The following LARGE1 variants were observed in gnomAD, a reference collection of about 807,000 sequenced individuals.
The protein encoded by LARGE1 is LARGE xylosyl- and glucuronyltransferase 1, also known as xylosyl- and glucuronyltransferase LARGE1.
Under a neutral mutation model 87.6 loss-of-function variants are expected in LARGE1, and 43 were observed. That is an observed-to-expected ratio of 0.49 (90% CI 0.38 to 0.63). The LOEUF (loss-of-function observed/expected upper bound fraction) is 0.63, where lower values mean the gene tolerates loss of function less well. LARGE1 is among the 30% of genes least tolerant of loss of function. The pLI, the probability that LARGE1 is intolerant of heterozygous loss-of-function variation, is 0.00. For synonymous variants in LARGE1, 434 were observed against 394.6 expected (o/e 1.10, Z -1.18); for missense variants, 802 against 1,000.2 (o/e 0.80, Z 2.67).
chr22:33,767,104 A>C (rs2084932009), intron 1 of LARGE1, among the ~76,000 whole-genome samples: 1 of 151,346 alleles, frequency 6.6e-6, no homozygotes, highest in African/African-American at 2.4e-5. Flanking sequence ...ACCTGACATC[A>C]GGCGTTCAAG....
chr22:33,304,875 T>C (rs1021053841), intron 11 of LARGE1, among the ~76,000 whole-genome samples: 11 of 152,178 alleles, frequency 7.2e-5, no homozygotes, highest in Non-Finnish European at 1.5e-5. Context: ...GCTGATCTCC[T>C]AAGGCAGTGA....
chr22:33,624,040 A>T (rs1207749432), intron 4 of LARGE1, among the ~76,000 whole-genome samples: 1 of 152,116 alleles, frequency 6.6e-6, no homozygotes, highest in African/African-American at 2.4e-5. Flanking sequence ...CAAAAAAAAT[A>T]AAATAAAAAA....
Position 33,324,948 on chromosome 22 carries a change from T to G in LARGE1, c.1288-8700A>C, listed in dbSNP as rs1031467979. On this transcript the variant is annotated intron_variant, in intron 10 of 14. Transcript: ENST00000397394. ...GAGAGCTTTTGCAGGTTCTTTCTCATGTAAGACTCACATCAACTCTACAGA... is the reference window on the plus strand; with the variant it reads ...GAGAGCTTTTGCAGGTTCTTTCTCAGGTAAGACTCACATCAACTCTACAGA... Among the ~76,000 whole-genome samples, 4 of 152,176 alleles carry G rather than the reference T, an allele frequency of 2.6e-5. No individual in the cohort carries two copies. The East Asian group carries it at 7.7e-4, about 29-fold the overall frequency.
chr22:33,700,118 C>G (rs1026617779), intron 2 of LARGE1, among the ~76,000 whole-genome samples: 1 of 152,032 alleles, frequency 6.6e-6, no homozygotes, highest in African/African-American at 2.4e-5. Flanking sequence ...AACAAATCTA[C>G]GTATTCCTTA....
At chr22:33,915,598 T>C (rs960446960) in intron 1 of LARGE1, among the ~76,000 whole-genome samples, 3 of 152,218 alleles carry the variant, frequency 2.0e-5, no homozygotes, top group South Asian at 2.1e-4. Flanking sequence ...TTTTAAAGAA[T>C]AGGCAAAATG....
chr22:33,106,937 C>G, the LARGE1 span, among the ~76,000 whole-genome samples: 3 of 152,212 alleles, frequency 2.0e-5, no homozygotes, highest in African/African-American at 7.2e-5. Context: ...TTCAGATGAT[C>G]TAACATTTTA....
intron 1 of LARGE1, among the ~76,000 whole-genome samples, chr22:33,900,972 G>A (rs2065267118): frequency 6.6e-6 from 1 of 152,116 alleles, no homozygotes; most frequent in Non-Finnish European, 1.5e-5. Flanking sequence ...GCTTGAACCC[G>A]GGAGACAGAG....
intron 1 of LARGE1, among the ~76,000 whole-genome samples, chr22:33,849,820 CAAACTCCTG>C (rs2146494049): frequency 6.6e-6 from 1 of 152,206 alleles, no homozygotes; most frequent in Non-Finnish European, 1.5e-5. Context: ...AGGCTGGTCT[CAAACTCCTG>C]ACCTCAGGCG....
intron 2 of LARGE1, chr22:33,733,375 C>T (rs2083537822): frequency 6.6e-6 from 1 of 152,210 alleles, no homozygotes; most frequent in African/African-American, 2.4e-5. Flanking sequence ...TGATGAACAG[C>T]TTACAACCTG....
Position 33,304,323 on chromosome 22 carries a change from G to A in LARGE1, c.1636C>T (p.Leu546=). The change falls in exon 12 of 15, where the codon CTG becomes TTG. Residue 546 remains leucine (L), a synonymous_variant. Coordinates refer to ENST00000397394, the MANE Select transcript of LARGE1 (RefSeq NM_133642.5). ...KEGQFYPVNL[L]RNVAMKHIST... ...ATGTGCTTCATGGCCACGTTGCGCA[G>A]CAGGTTCACGGGGTAGAACTGGCCC... is the stretch of plus-strand genomic sequence containing the variant. The A allele has an allele frequency of 6.2e-7, 1 of 1,614,290 alleles. No homozygotes were observed. The highest frequency in any genetic ancestry group is 8.5e-7 in the Non-Finnish European group (1 of 1,180,048).
At chr22:33,577,212 A>G (rs2078380739) in intron 5 of LARGE1, among the ~76,000 whole-genome samples, 1 of 152,236 alleles carries the variant, frequency 6.6e-6, no homozygotes, top group South Asian at 2.1e-4. Flanking sequence ...GTTTGGTATT[A>G]AAATCTCATG....
chr22:33,586,456 CTTTTTTTTT>C (rs130421), intron 5 of LARGE1, among the ~76,000 whole-genome samples: 1 of 140,232 alleles, frequency 7.1e-6, no homozygotes, highest in Admixed American at 7.1e-5. Flanking sequence ...AACAAGATTT[CTTTTTTTTT>C]TTTTTTTTCA....
intron 1 of LARGE1, among the ~76,000 whole-genome samples, chr22:33,896,904 C>A (rs893537364): frequency 6.6e-6 from 1 of 152,206 alleles, no homozygotes; most frequent in East Asian, 1.9e-4. Flanking sequence ...AGCACAGAAC[C>A]TTCCCCGCCG....
the LARGE1 span, among the ~76,000 whole-genome samples, chr22:33,141,541 T>A: frequency 1.3e-5 from 2 of 151,972 alleles, no homozygotes; most frequent in African/African-American, 4.8e-5. Flanking sequence ...ATAATTTATA[T>A]CTATATTATA....
chr22:33,352,901 G>A (rs1178088809), intron 9 of LARGE1, among the ~76,000 whole-genome samples: 1 of 152,192 alleles, frequency 6.6e-6, no homozygotes, highest in Non-Finnish European at 1.5e-5. Flanking sequence ...AAAAAAGGGA[G>A]TTCTACAAAG....
intron 2 of LARGE1, among the ~76,000 whole-genome samples, chr22:33,736,905 TG>T (rs2083675504): frequency 6.6e-6 from 1 of 152,200 alleles, no homozygotes; most frequent in Non-Finnish European, 1.5e-5. Context: ...TAACTTGCCA[TG>T]GTCACAAAAG....
the LARGE1 span, among the ~76,000 whole-genome samples, chr22:33,081,886 C>T: frequency 6.6e-6 from 1 of 152,016 alleles, no homozygotes; most frequent in Non-Finnish European, 1.5e-5. Context: ...TTCCATGATC[C>T]CATTTTATAA....
chr22:33,224,260 T>C (rs562851840), intron 11 of LARGE1, among the ~76,000 whole-genome samples: 11 of 151,762 alleles, frequency 7.2e-5, no homozygotes, highest in Non-Finnish European at 1.2e-4. Context: ...AGCAAGACTC[T>C]GTCTCAAAAG....
chr22:33,076,866 C>A, the LARGE1 span, among the ~76,000 whole-genome samples: 6 of 152,074 alleles, frequency 3.9e-5, no homozygotes, highest in Admixed American at 3.9e-4. Flanking sequence ...AATGGATTTT[C>A]TTTTTAGTGA....
Sources: gnomAD v4.1 joint callset for allele counts (sites outside exome capture counted in the v4.1 genomes callset) on GRCh38, gnomAD v4.1.1 for gene constraint, MANE v1.5 for transcripts, NCBI Gene and HGNC (gene_info 2026-07-23, HGNC 2026-07-21) for gene names.